GMEB1: variants seen among roughly 807,000 people sequenced by gnomAD.
GMEB1 encodes glucocorticoid modulatory element binding protein 1, also known as glucocorticoid modulatory element-binding protein 1.
In GMEB1, 6 loss-of-function variants were observed where a neutral mutation model predicts 52.4. The ratio of observed to expected loss-of-function variants is 0.11; its 90% CI spans 0.06 to 0.23. The LOEUF (loss-of-function observed/expected upper bound fraction) is 0.23, where lower values mean the gene tolerates loss of function less well. GMEB1 is among the 10% of genes least tolerant of loss of function. The pLI is 1.00. For missense variants in GMEB1, 486 were observed against 685.6 expected (o/e 0.71, Z 3.25); for synonymous variants, 255 against 244.9 (o/e 1.04, Z -0.38).
chr1:28,683,568 T>G lies in GMEB1; in HGVS notation c.-30-15T>G, dbSNP rs763924367. On this transcript the variant is annotated splice_polypyrimidine_tract_variant and intron_variant, in intron 1 of 9. Coordinates refer to ENST00000373816, the MANE Select transcript of GMEB1 (RefSeq NM_001319674.2). ...TAAACCAGATTAAGTTATTGGTGCT[T>G]CTTGTTCCCGACAGCAGTCCCAGCT... 2 of 1,569,580 alleles carry G rather than the reference T, an allele frequency of 1.3e-6. No individual in the cohort carries two copies. Among genetic ancestry groups the G allele is most frequent in the South Asian group, 2.4e-5 (2 of 84,810 alleles).
intron 6 of GMEB1, among the ~76,000 whole-genome samples, chr1:28,699,263 A>C (rs1670379355): frequency 6.6e-6 from 1 of 152,188 alleles, no homozygotes; most frequent in Non-Finnish European, 1.5e-5. Context: ...GAAAGATGTA[A>C]CTGTAAGATT....
At position 28,717,026 on chromosome 1, in the gene GMEB1, G is replaced by C; in HGVS notation, c.*2253G>C. 6.8e-6 allele frequency: 1 copy of C among 146,002 alleles called. No individual in the cohort carries two copies. Among genetic ancestry groups the C allele is most frequent in the East Asian group, 2.0e-4 (1 of 5,034 alleles). The allele number at this position is 146,002 out of a possible 1,614,324, so 9.0% of individuals were successfully genotyped here. A position where few individuals can be genotyped will look rare whatever the true frequency, so the allele number is the denominator to read the frequency against. On this transcript the variant is annotated 3_prime_UTR_variant, in exon 10 of 10. Transcript: ENST00000373816. Reference sequence around the variant, plus strand: ...ATTAAAAACAAAACTTGGACCTGTAGTTTTTTTTTTTCTTTTTTATTTTTA... The same window carrying C: ...ATTAAAAACAAAACTTGGACCTGTACTTTTTTTTTTTCTTTTTTATTTTTA...
chr1:28,703,043 A>G lies in GMEB1; in HGVS notation c.730+474A>G, dbSNP rs115356892. 3.1e-3 allele frequency among the ~76,000 whole-genome samples: 468 copies of G among 152,190 alleles called. 1 individual carries two copies. Among genetic ancestry groups the G allele is most frequent in the African/African-American group, 0.011 (443 of 41,542 alleles). ...AAAAACAAAAAACAAAAAACAAGAA[A>G]TCAGAATTTAGAAAGGTTCAGCAAC... On this transcript the variant is annotated intron_variant, in intron 7 of 9. Coordinates refer to ENST00000373816, the MANE Select transcript of GMEB1 (RefSeq NM_001319674.2).
intron 8 of GMEB1, among the ~76,000 whole-genome samples, chr1:28,705,742 C>T (rs576103333): frequency 2.6e-5 from 4 of 151,868 alleles, no homozygotes; most frequent in East Asian, 2.0e-4. Flanking sequence ...TGAGCCACCG[C>T]GCCCAGCCGA....
rs1010998384 is a variant in GMEB1, at chr1:28,717,925, A to G, written c.*3152A>G. On this transcript the variant is annotated 3_prime_UTR_variant, in exon 10 of 10. Coordinates refer to ENST00000373816, the MANE Select transcript of GMEB1 (RefSeq NM_001319674.2). ...TGCATCATGCTTCCAATGTCAAGAG[A>G]TTTCCTCAAACAGCCTGTTTACTAG... 1 of 152,012 alleles carries G rather than the reference A, an allele frequency of 6.6e-6. No homozygotes were observed. The highest frequency in any genetic ancestry group is 2.4e-5 in the African/African-American group (1 of 41,366). 9.4% of individuals were successfully genotyped at this position (152,012 alleles called of 1,614,324 possible).
At chr1:28,683,196 T>C (rs530919797) in intron 1 of GMEB1, among the ~76,000 whole-genome samples, 10 of 152,184 alleles carry the variant, frequency 6.6e-5, no homozygotes, top group African/African-American at 2.4e-4. Flanking sequence ...TTGGCAGTCC[T>C]TTCATATGGT....
At chr1:28,696,871 G>A in intron 5 of GMEB1, 56 bp from the exon 6 acceptor site, 1 of 1,397,180 alleles carries the variant, frequency 7.2e-7, no homozygotes. Flanking sequence ...CTGAGGCCTA[G>A]TTCCCACTAG....
At chr1:28,693,314 G>A (rs1010376817) in intron 5 of GMEB1, among the ~76,000 whole-genome samples, 9 of 151,700 alleles carry the variant, frequency 5.9e-5, no homozygotes, top group African/African-American at 2.2e-4. Flanking sequence ...CGCCTCCCGG[G>A]TTCAAGCAGT....
chr1:28,671,376 T>G (rs1315643035), intron 1 of GMEB1, among the ~76,000 whole-genome samples: 1 of 152,130 alleles, frequency 6.6e-6, no homozygotes, highest in African/African-American at 2.4e-5. Context: ...CTCAGCCTCC[T>G]GAGTAGCTGG....
At position 28,683,699 on chromosome 1, in the gene GMEB1, T is replaced by C. The variant is rs372749317; in HGVS notation, c.87T>C (p.Thr29=). 10 of 1,611,982 alleles carry C rather than the reference T, an allele frequency of 6.2e-6. No individual in the cohort carries two copies. The African/African-American group carries it at 1.1e-4, about 17-fold the overall frequency. Residue 29 remains threonine, a synonymous_variant, in exon 2 of 10, where the codon ACT becomes ACC. Transcript: ENST00000373816. ...ATGAAGGGGAGAATCCTGAAGACAC[T>C]AAAACCCAAGTGATTTTGCAGTTAC... The part of the protein sequence containing the change: ...EGNEGENPED[T]KTQVILQLQP...
chr1:28,683,556 G>A (rs946769036), intron 1 of GMEB1, 27 bp from the exon 2 acceptor site: 10 of 1,553,274 alleles, frequency 6.4e-6, no homozygotes, highest in Middle Eastern at 1.7e-4. Flanking sequence ...ACCAGATTAA[G>A]TTATTGGTGC....
Position 28,697,966 on chromosome 1 carries a change from C to T in GMEB1, c.598+882C>T, listed in dbSNP as rs1013815970. 4.0e-5 allele frequency among the ~76,000 whole-genome samples: 6 copies of T among 151,502 alleles called. No homozygotes were observed. The South Asian group carries it at 8.4e-4, about 21-fold the overall frequency. ...CATCCTGGCTAACACAGTGAAACCC[C>T]GTCTCTACTAAAAATACAAAAAAAT... On this transcript the variant is annotated intron_variant, in intron 6 of 9. Transcript: ENST00000373816.
At chr1:28,689,224 C>G (rs1669838747) in intron 2 of GMEB1, among the ~76,000 whole-genome samples, 1 of 151,994 alleles carries the variant, frequency 6.6e-6, no homozygotes, top group South Asian at 2.1e-4. Context: ...TGGGGTTTCA[C>G]CACGTTGGCC....
At chr1:28,689,505 TGTA>T (rs1245031235) in intron 2 of GMEB1, among the ~76,000 whole-genome samples, 1 of 152,116 alleles carries the variant, frequency 6.6e-6, no homozygotes, top group Non-Finnish European at 1.5e-5. Flanking sequence ...GGCGGGCTCC[TGTA>T]GTCCCAGCTA....
intron 1 of GMEB1, among the ~76,000 whole-genome samples, chr1:28,675,482 C>A (rs1669108540): frequency 6.6e-6 from 1 of 151,798 alleles, no homozygotes; most frequent in Non-Finnish European, 1.5e-5. Flanking sequence ...AGTTCTGACA[C>A]CAGCCTGGCC....
Position 28,706,503 on chromosome 1 carries a change from C to T in GMEB1, c.868+2174C>T, listed in dbSNP as rs1415401296. Among the ~76,000 whole-genome samples, 9 of 149,692 alleles carry T rather than the reference C, an allele frequency of 6.0e-5. No individual in the cohort carries two copies. In the East Asian group the frequency reaches 1.8e-3, roughly 30 times the overall value. The stretch of plus-strand genomic sequence containing the variant: ...CCTGTAATCCCAGCTACTCAGGAGG[C>T]TGAGGTGGGAGAATCGCTTGAACCC... On this transcript the variant is annotated intron_variant, in intron 8 of 9. Transcript: ENST00000373816.
At chr1:28,698,810 C>T (rs1291154459) in intron 6 of GMEB1, among the ~76,000 whole-genome samples, 1 of 151,888 alleles carries the variant, frequency 6.6e-6, no homozygotes, top group Non-Finnish European at 1.5e-5. Flanking sequence ...ATGGTGAAAC[C>T]CTGTCTCTAC....
intron 8 of GMEB1, 43 bp downstream of exon 8, chr1:28,704,372 C>G: frequency 6.4e-7 from 1 of 1,559,626 alleles, no homozygotes; most frequent in Non-Finnish European, 8.7e-7. Context: ...TTATTGAATA[C>G]TCACCTCCGT....
intron 1 of GMEB1, among the ~76,000 whole-genome samples, chr1:28,678,601 G>T (rs577180183): frequency 9.9e-5 from 15 of 151,662 alleles, no homozygotes; most frequent in African/African-American, 3.6e-4. Context: ...GAGCCACCGC[G>T]TCCGTCTCTT....
Sources: gnomAD v4.1 joint callset for allele counts (sites outside exome capture counted in the v4.1 genomes callset) on GRCh38, gnomAD v4.1.1 for gene constraint, MANE v1.5 for transcripts, NCBI Gene and HGNC (gene_info 2026-07-23, HGNC 2026-07-21) for gene names.